PDE2A: variants seen among roughly 807,000 people sequenced by gnomAD.
PDE2A encodes cGMP-dependent 3',5'-cyclic phosphodiesterase.
In PDE2A, 53 loss-of-function variants were observed where a neutral mutation model predicts 133.6. That is an observed-to-expected ratio of 0.40 (90% CI 0.32 to 0.50). The LOEUF is 0.50. PDE2A is among the 20% of genes least tolerant of loss of function. The probability of loss-of-function intolerance (pLI) is 0.73; values close to 1 mark genes in which losing one functional copy is unlikely to be tolerated. For synonymous variants in PDE2A, 491 were observed against 490.2 expected, an observed-to-expected ratio of 1.00 and a Z score of -0.02; for missense variants, 796 against 1,232.4, an observed-to-expected ratio of 0.65 and a Z score of 5.30.
At chr11:72,579,198 G>T in intron 27 of PDE2A, 86 bp downstream of exon 27, 1 of 1,094,322 alleles carries the variant, frequency 9.1e-7, no homozygotes, top group Non-Finnish European at 1.4e-6. Flanking sequence ...CAGGGGATGG[G>T]TCTGCACCCT....
chr11:72,640,164 T>TCA (rs1254791580), intron 2 of PDE2A, among the ~76,000 whole-genome samples: 2 of 150,510 alleles, frequency 1.3e-5, no homozygotes, highest in Non-Finnish European at 3.0e-5. Context: ...CACACCACAC[T>TCA]CACACCGTCT....
At chr11:72,609,336 C>T (rs532409707) in intron 2 of PDE2A, among the ~76,000 whole-genome samples, 37 of 152,368 alleles carry the variant, frequency 2.4e-4, no homozygotes, top group African/African-American at 8.9e-4. Flanking sequence ...AGAGTAGATG[C>T]TCAGCTGAAT....
rs543902708 is a variant in PDE2A, at chr11:72,597,042, A to G, written c.434-394T>C. On this transcript the variant is annotated intron_variant, in intron 5 of 30. Coordinates refer to ENST00000334456, the MANE Select transcript of PDE2A (RefSeq NM_002599.5). This position sits in a 1 kb window ranked among gnomAD's most constrained non-coding sequence, Gnocchi z 4.6. ...TTGTGCACTTTCCACATCGAGACAG[A>G]GGACAGAGACCTAGAGAGACTGAGA... 1.4e-4 allele frequency among the ~76,000 whole-genome samples: 22 copies of G among 152,294 alleles called. No individual in the cohort carries two copies. Among genetic ancestry groups the G allele is most frequent in the African/African-American group, 4.8e-4 (20 of 41,558 alleles).
rs34217943 is a variant in PDE2A at position 72,664,364 on chromosome 11, A to ATTTTTTTTTT, written c.71+9763_71+9772dup. On this transcript the variant is annotated intron_variant, in intron 1 of 30. Transcript: ENST00000334456. Reference sequence around the variant, plus strand: ...CAAAATAGGGCTAGCCCCTTGAAGGATTTTTTTTTTTTTTTTTTTTTTTTT... The same window carrying ATTTTTTTTTT: ...CAAAATAGGGCTAGCCCCTTGAAGGATTTTTTTTTTTTTTTTTTTTTTTTTTTTTTTTTTT... Among the ~76,000 whole-genome samples, 615 of 70,098 alleles carry ATTTTTTTTTT rather than the reference A, an allele frequency of 8.8e-3. 77 individuals carry two copies. The highest frequency in any genetic ancestry group is 0.018 in the African/African-American group (293 of 16,580). The allele number at this position is 70,098 out of a possible 152,430, so 46.0% of individuals were successfully genotyped here. A position where few individuals can be genotyped will look rare whatever the true frequency, so the allele number is the denominator to read the frequency against.
rs1414221175 is a variant in PDE2A at position 72,585,654 on chromosome 11, C to A, written c.1183-61G>T. On this transcript the variant is annotated intron_variant, in intron 14 of 30. Coordinates refer to ENST00000334456, the MANE Select transcript of PDE2A (RefSeq NM_002599.5). ...GGGTGTAGGGGTCACCCTATCCAAC[C>A]TCCTGCCTCCAACAGCACCCGGGTC... 4 of 1,505,998 alleles carry A rather than the reference C, an allele frequency of 2.7e-6. No individual in the cohort carries two copies. In the East Asian group the frequency reaches 9.3e-5, roughly 35 times the overall value. 93.3% of individuals were successfully genotyped at this position (1,505,998 alleles called of 1,614,324 possible). A position where few individuals can be genotyped will look rare whatever the true frequency, so the allele number is the denominator to read the frequency against.
intron 1 of PDE2A, chr11:72,658,112 G>A (rs914346540): frequency 3.2e-4 from 147 of 456,208 alleles, no homozygotes; most frequent in Admixed American, 2.2e-3. Context: ...TACGGATGCC[G>A]GATGTCTTCT....
At chr11:72,645,398 C>A (rs777235570) in intron 1 of PDE2A, among the ~76,000 whole-genome samples, 2 of 152,210 alleles carry the variant, frequency 1.3e-5, no homozygotes, top group Non-Finnish European at 2.9e-5. Flanking sequence ...CCAACCAGCA[C>A]CCTTCCTGAG....
chr11:72,605,040 G>T, intron 4 of PDE2A, 98 bp downstream of exon 4: 1 of 691,508 alleles, frequency 1.4e-6, no homozygotes, highest in Non-Finnish European at 2.4e-6. Context: ...GATCAATGTT[G>T]GAAGGGGAGG....
rs926809468 is a variant in PDE2A, at chr11:72,648,034, T to C, written c.72-5708A>G. Reference sequence around the variant, plus strand: ...AGGTATATGTGTGCAGTGGTGTGTGTACACAAGTGTCCAGGAATAGCATGT... The same window carrying C: ...AGGTATATGTGTGCAGTGGTGTGTGCACACAAGTGTCCAGGAATAGCATGT... On this transcript the variant is annotated intron_variant, in intron 1 of 30. Transcript: ENST00000334456. Among the ~76,000 whole-genome samples, 3 of 152,314 alleles carry C rather than the reference T, an allele frequency of 2.0e-5. No individual in the cohort carries two copies. In the South Asian group the frequency reaches 6.2e-4, roughly 32 times the overall value.
At chr11:72,635,941 C>G (rs1006200848) in intron 2 of PDE2A, 2 of 1,169,364 alleles carry the variant, frequency 1.7e-6, no homozygotes, top group African/African-American at 1.6e-5. Context: ...CCGACCTTCC[C>G]GCTCCCCCTC....
intron 4 of PDE2A, chr11:72,598,978 C>T (rs912302475): frequency 3.0e-5 from 30 of 985,262 alleles, no homozygotes; most frequent in African/African-American, 7.0e-5. Context: ...AGGAGGGCAA[C>T]GGGAGCCACG....
At chr11:72,584,404 G>T in intron 18 of PDE2A, 91 bp from the exon 19 acceptor site, 1 of 1,251,330 alleles carries the variant, frequency 8.0e-7, no homozygotes, top group Non-Finnish European at 1.2e-6. Flanking sequence ...CGCAGTTTCC[G>T]CAGGTTACGT....
At chr11:72,645,504 C>T (rs947257757) in intron 1 of PDE2A, among the ~76,000 whole-genome samples, 25 of 152,218 alleles carry the variant, frequency 1.6e-4, no homozygotes, top group Non-Finnish European at 2.6e-4. Context: ...TCCACTCACA[C>T]GCAGATCCCT....
intron 1 of PDE2A, among the ~76,000 whole-genome samples, chr11:72,664,734 A>G (rs1855184879): frequency 6.6e-6 from 1 of 151,822 alleles, no homozygotes; most frequent in African/African-American, 2.4e-5. Flanking sequence ...AATCATTTTT[A>G]AAACTTAAAG....
chr11:72,584,803 C>T lies in PDE2A; in HGVS notation c.1359+69G>A, dbSNP rs1292823115. 19 of 1,608,858 alleles carry T rather than the reference C, an allele frequency of 1.2e-5. No homozygotes were observed. The East Asian group carries it at 2.2e-4, about 19-fold the overall frequency. ...CAGAGGGGACTGTTAAACCTCGGGC[C>T]GCTCCCCAGCGCCGCCGGCGGACTC... On this transcript the variant is annotated intron_variant, in intron 17 of 30. Coordinates refer to ENST00000334456, the MANE Select transcript of PDE2A (RefSeq NM_002599.5).
intron 1 of PDE2A, among the ~76,000 whole-genome samples, chr11:72,644,007 C>T (rs1437764045): frequency 2.0e-5 from 3 of 152,186 alleles, no homozygotes; most frequent in African/African-American, 7.2e-5. Flanking sequence ...CCCCACCATT[C>T]CTTACATTTC....
At chr11:72,672,002 A>T (rs1265328279) in intron 1 of PDE2A, among the ~76,000 whole-genome samples, 2 of 151,854 alleles carry the variant, frequency 1.3e-5, no homozygotes, top group African/African-American at 4.8e-5. Flanking sequence ...CCACCTAGAC[A>T]TTCCCTTCCC....
chr11:72,585,108 T>C (rs1855902932), intron 16 of PDE2A, 164 bp from the exon 17 acceptor site: 2 of 605,116 alleles, frequency 3.3e-6, no homozygotes. Flanking sequence ...TCCATTCAAG[T>C]GTTTTGTTTT....
intron 4 of PDE2A, chr11:72,598,935 G>A (rs1565161100): frequency 1.0e-6 from 1 of 985,288 alleles, no homozygotes; most frequent in Non-Finnish European, 1.2e-6. Flanking sequence ...CACATTGCCA[G>A]TCACCCCGGG....
Sources: gnomAD v4.1 joint callset for allele counts (sites outside exome capture counted in the v4.1 genomes callset) on GRCh38, gnomAD v4.1.1 for gene constraint, Gnocchi (gnomAD v3.1) non-coding constraint, MANE v1.5 for transcripts, NCBI Gene and HGNC (gene_info 2026-07-23, HGNC 2026-07-21) for gene names.